The following C6orf118 variants were observed in gnomAD, a reference collection of about 807,000 sequenced individuals.
The protein encoded by C6orf118 is uncharacterized protein C6orf118.
In C6orf118, 50 loss-of-function variants were observed where a neutral mutation model predicts 50.2. That is an observed-to-expected ratio of 1.00 (90% CI 0.79 to 1.26). The LOEUF (loss-of-function observed/expected upper bound fraction) is 1.26. C6orf118 is among the 50% of genes most tolerant of loss of function. The pLI, the probability that C6orf118 is intolerant of heterozygous loss-of-function variation, is 0.00. For synonymous variants in C6orf118, 239 were observed against 230.9 expected (o/e 1.03, Z -0.32); for missense variants, 641 against 578.7 (o/e 1.11, Z -1.10).
chr6:165,299,827 G>C (rs1780450867), intron 3 of C6orf118, among the ~76,000 whole-genome samples: 1 of 152,122 alleles, frequency 6.6e-6, no homozygotes. Context: ...GGGATTATAG[G>C]CATGTGCCAC....
intron 6 of C6orf118, 77 bp from the exon 7 acceptor site, chr6:165,290,144 CA>C (rs5881641): frequency 0.6 from 506,047 of 847,184 alleles, 158,746 homozygotes; most frequent in East Asian, 0.76. Context: ...GTATTATTAA[CA>C]ATATTATGTA....
intron 7 of C6orf118, among the ~76,000 whole-genome samples, chr6:165,288,211 C>G (rs1256515491): frequency 6.6e-6 from 1 of 152,106 alleles, no homozygotes. Context: ...CAGAGAAATG[C>G]AAATCAAAAC....
intron 7 of C6orf118, among the ~76,000 whole-genome samples, chr6:165,286,450 C>T (rs893558244): frequency 1.3e-4 from 20 of 152,050 alleles, no homozygotes; most frequent in Admixed American, 6.6e-4. Context: ...CATCCTGGTA[C>T]CAAAACCTGG....
intron 7 of C6orf118, among the ~76,000 whole-genome samples, chr6:165,286,910 T>C (rs1352170507): frequency 6.6e-6 from 1 of 152,092 alleles, no homozygotes; most frequent in Non-Finnish European, 1.5e-5. Context: ...TTCAACATAA[T>C]ATTGGGAGTT....
At chr6:165,283,009 T>C (rs937771886) in intron 7 of C6orf118, among the ~76,000 whole-genome samples, 8 of 151,882 alleles carry the variant, frequency 5.3e-5, no homozygotes, top group African/African-American at 1.9e-4. Flanking sequence ...ATAAAGGAGA[T>C]CAAACCCTAA....
chr6:165,280,953 C>T lies in C6orf118; in HGVS notation c.1356+687G>A, dbSNP rs78927455. The stretch of plus-strand genomic sequence containing the variant: ...CTATTTAAATCATCATATGGTTTTC[C>T]ATTGCTCTTAATAATACCACATTCT... On this transcript the variant is annotated intron_variant, in intron 8 of 8. Coordinates refer to ENST00000230301, the MANE Select transcript of C6orf118 (RefSeq NM_144980.4). Among the ~76,000 whole-genome samples, 569 of 152,210 alleles carry T rather than the reference C, an allele frequency of 3.7e-3. 7 individuals carry two copies. The highest frequency in any genetic ancestry group is 0.013 in the African/African-American group (530 of 41,530).
At chr6:165,309,343 C>T (rs550843) in intron 1 of C6orf118, among the ~76,000 whole-genome samples, 27,931 of 152,222 alleles carry the variant, frequency 0.18, 2,822 homozygotes, top group African/African-American at 0.23. Context: ...GCCCACATGG[C>T]GCGCACCCCC....
chr6:165,301,544 A>C (rs1583023724), intron 2 of C6orf118, 25 bp downstream of exon 2: 2 of 1,587,504 alleles, frequency 1.3e-6, no homozygotes, highest in Non-Finnish European at 1.7e-6. Flanking sequence ...CTTCCCTGAG[A>C]CCACCGCAGG....
chr6:165,295,348 T>C (rs575658765), intron 5 of C6orf118, among the ~76,000 whole-genome samples: 2 of 152,220 alleles, frequency 1.3e-5, no homozygotes, highest in Non-Finnish European at 2.9e-5. Context: ...AAGATTGTTT[T>C]CATGTCCTGA....
At chr6:165,305,768 T>A (rs1167025095) in intron 1 of C6orf118, among the ~76,000 whole-genome samples, 13 of 118,988 alleles carry the variant, frequency 1.1e-4, no homozygotes, top group African/African-American at 4.6e-4. Flanking sequence ...TCAAAACCAC[T>A]ATGAGATATC....
intron 5 of C6orf118, 111 bp downstream of exon 5, chr6:165,297,866 G>A: frequency 6.8e-7 from 1 of 1,477,400 alleles, no homozygotes; most frequent in Non-Finnish European, 9.3e-7. Flanking sequence ...AGCAAAAGTA[G>A]CATGTTTTCA....
chr6:165,300,348 G>A lies in C6orf118; in HGVS notation c.876+16C>T, dbSNP rs759309397. On this transcript the variant is annotated intron_variant, in intron 3 of 8. Coordinates refer to ENST00000230301, the MANE Select transcript of C6orf118 (RefSeq NM_144980.4). ...CAAGCTTCTCAACTGTTATGCTGAA[G>A]ATGTATGTTTCTTACCTTAACTTTT... 5.0e-6 allele frequency: 8 copies of A among 1,613,454 alleles called. No homozygotes were observed. In the African/African-American group the frequency reaches 1.1e-4, roughly 22 times the overall value.
At chr6:165,299,994 T>C (rs372110037) in intron 3 of C6orf118, among the ~76,000 whole-genome samples, 1 of 152,236 alleles carries the variant, frequency 6.6e-6, no homozygotes, top group Non-Finnish European at 1.5e-5. Context: ...ATCACTTTCA[T>C]CATGAAATTG....
intron 6 of C6orf118, among the ~76,000 whole-genome samples, chr6:165,292,061 T>C (rs1158760269): frequency 1.3e-5 from 2 of 152,156 alleles, no homozygotes; most frequent in African/African-American, 2.4e-5. Flanking sequence ...ATAGTTAAGC[T>C]TCTACACAAA....
intron 2 of C6orf118, among the ~76,000 whole-genome samples, chr6:165,301,093 C>T (rs1158104554): frequency 6.6e-6 from 1 of 152,134 alleles, no homozygotes; most frequent in Non-Finnish European, 1.5e-5. Flanking sequence ...CGCTATGGGC[C>T]TCCCCCAGCT....
At chr6:165,298,166 T>C in intron 4 of C6orf118, 65 bp from the exon 5 acceptor site, 1 of 1,495,664 alleles carries the variant, frequency 6.7e-7, no homozygotes, top group Non-Finnish European at 8.9e-7. Flanking sequence ...CTCCCTTTCT[T>C]ATTTGTCATT....
At chr6:165,305,681 C>A (rs1338114501) in intron 1 of C6orf118, among the ~76,000 whole-genome samples, 3 of 120,418 alleles carry the variant, frequency 2.5e-5, no homozygotes, top group Non-Finnish European at 4.8e-5. Context: ...ACAGAAACTT[C>A]TCAAAAGAAG....
rs1779977373 is a variant in C6orf118 at position 165,288,162 on chromosome 6, C to T, written c.1302+1724G>A. Among the ~76,000 whole-genome samples, 2 of 152,064 alleles carry T rather than the reference C, an allele frequency of 1.3e-5. 1 individual carries two copies. The highest frequency in any genetic ancestry group is 4.1e-4 in the South Asian group (2 of 4,828). ...TCTCAAAAGAAGACATACATGTGGC[C>T]AACAAGCATATGAAAGAAAGCTCAA... On this transcript the variant is annotated intron_variant, in intron 7 of 8. Transcript: ENST00000230301.
chr6:165,288,702 C>T lies in C6orf118; in HGVS notation c.1302+1184G>A, dbSNP rs529444386. ...TGCAGGAACAGAAAACCAAACACCACGTGTTCTCACTTATAAGTGGGAGCT... is the reference window on the plus strand; with the variant it reads ...TGCAGGAACAGAAAACCAAACACCATGTGTTCTCACTTATAAGTGGGAGCT... On this transcript the variant is annotated intron_variant, in intron 7 of 8. Transcript: ENST00000230301. Among the ~76,000 whole-genome samples the T allele has an allele frequency of 2.6e-5, 4 of 152,248 alleles. No homozygotes were observed. In the East Asian group the frequency reaches 7.7e-4, roughly 29 times the overall value.
Sources: gnomAD v4.1 joint callset for allele counts (sites outside exome capture counted in the v4.1 genomes callset) on GRCh38, gnomAD v4.1.1 for gene constraint, MANE v1.5 for transcripts, NCBI Gene and HGNC (gene_info 2026-07-23, HGNC 2026-07-21) for gene names.